The following SPATA13 variants were observed in gnomAD, a reference collection of about 807,000 sequenced individuals.
The protein encoded by SPATA13 is spermatogenesis associated 13, also known as spermatogenesis-associated protein 13.
Under a neutral mutation model 104.0 loss-of-function variants are expected in SPATA13, and 50 were observed. The observed-to-expected ratio is 0.48, with a 90% CI of 0.38 to 0.61. The LOEUF (loss-of-function observed/expected upper bound fraction) is 0.61, where lower values mean the gene tolerates loss of function less well. Ranked by LOEUF, SPATA13 falls within the 20% of genes least tolerant of loss-of-function variation. The probability of loss-of-function intolerance (pLI) is 0.00; values close to 1 mark genes in which losing one functional copy is unlikely to be tolerated. For missense variants in SPATA13, 1,524 were observed against 1,690.6 expected (o/e 0.90, Z 1.73); for synonymous variants, 606 against 667.5 (o/e 0.91, Z 1.42).
At position 24,136,847 on chromosome 13, in the gene SPATA13, TG is replaced by T. The variant is rs1232043561; in HGVS notation, c.-111-85971del. Reference sequence around the variant, plus strand: ...TTATTTTATTTATTTATTTTTTTTTTGAGACGGAGTCTCGCTCTGTCGCCCA... The same window carrying T: ...TTATTTTATTTATTTATTTTTTTTTTAGACGGAGTCTCGCTCTGTCGCCCA... On this transcript the variant is annotated intron_variant, in intron 3 of 14. Transcript: ENST00000424834. Among the ~76,000 whole-genome samples the T allele has an allele frequency of 8.6e-5, 3 of 35,084 alleles. 1 individual carries two copies. The highest frequency in any genetic ancestry group is 7.8e-4 in the Admixed American group (2 of 2,572). The allele number at this position is 35,084 out of a possible 152,430, so 23.0% of individuals were successfully genotyped here.
intron 3 of SPATA13, among the ~76,000 whole-genome samples, chr13:24,036,378 T>C (rs992477342): frequency 2.6e-5 from 4 of 152,222 alleles, no homozygotes; most frequent in African/African-American, 7.2e-5. Context: ...GAAGAATGTC[T>C]GGCCTCACAG....
intron 2 of SPATA13, among the ~76,000 whole-genome samples, chr13:23,989,188 C>A (rs1262523762): frequency 2.0e-5 from 3 of 152,104 alleles, no homozygotes; most frequent in Admixed American, 2.0e-4. Context: ...CTTTGGGAGG[C>A]CGAGGCAGGT....
chr13:24,237,096 G>A (rs145678284), intron 2 of SPATA13, among the ~76,000 whole-genome samples: 29 of 152,184 alleles, frequency 1.9e-4, no homozygotes, highest in Middle Eastern at 3.4e-3. Flanking sequence ...CAGGGCTCAC[G>A]TCTGTAATCC....
Position 24,286,195 on chromosome 13 carries a change from C to G in SPATA13, c.2302-19C>G, listed in dbSNP as rs747648603. 1 of 1,598,482 alleles carries G rather than the reference C, an allele frequency of 6.3e-7. No individual in the cohort carries two copies. The highest frequency in any genetic ancestry group is 8.5e-7 in the Non-Finnish European group (1 of 1,170,852). On this transcript the variant is annotated intron_variant, in intron 5 of 12. Transcript: ENST00000382108. This position sits in a 1 kb window ranked among gnomAD's most constrained non-coding sequence, Gnocchi z 4.9. ...CCACTCGTGCTCTATGCTGAGCGCA[C>G]CCCACTGTCTCCTTTCAGCTGATCA... is the stretch of plus-strand genomic sequence containing the variant.
At chr13:24,291,756 A>ATTT (rs71070676) in intron 9 of SPATA13, among the ~76,000 whole-genome samples, 11 of 136,540 alleles carry the variant, frequency 8.1e-5, no homozygotes, top group Admixed American at 1.5e-4. Context: ...TTATTTTTTT[A>ATTT]TTTTTTTTTT....
chr13:24,143,588 C>CT (rs1222468876), intron 3 of SPATA13, among the ~76,000 whole-genome samples: 3 of 152,114 alleles, frequency 2.0e-5, no homozygotes, highest in Non-Finnish European at 2.9e-5. Context: ...AAGTAGAAGT[C>CT]TTTTTTTCCC....
At chr13:24,019,363 C>G (rs1876872478) in intron 3 of SPATA13, among the ~76,000 whole-genome samples, 1 of 152,102 alleles carries the variant, frequency 6.6e-6, no homozygotes, top group Non-Finnish European at 1.5e-5. Flanking sequence ...GCTGGGATTA[C>G]AGGCGTGAGC....
chr13:24,069,054 C>T (rs1012931274), intron 3 of SPATA13, among the ~76,000 whole-genome samples: 5 of 152,042 alleles, frequency 3.3e-5, no homozygotes, highest in East Asian at 1.9e-4. Flanking sequence ...AGTCAGGTAG[C>T]GTATACCTCC....
In SPATA13 at chr13:24,141,566, A is replaced by C. The variant is rs58960118; in HGVS notation, c.-111-81253A>C. 3.8e-3 allele frequency among the ~76,000 whole-genome samples: 576 copies of C among 152,274 alleles called. 23 individuals are homozygous for C. In the East Asian group the frequency reaches 0.092, roughly 24 times the overall value. ...AACCTTCTGCATATTCCTCTGTTAT[A>C]GAGCTTATCCAGATAACAATCACTA... On this transcript the variant is annotated intron_variant, in intron 3 of 14. Coordinates refer to the SPATA13 transcript ENST00000424834.
At chr13:24,283,664 T>C (rs762098025) in intron 4 of SPATA13, among the ~76,000 whole-genome samples, 1 of 152,240 alleles carries the variant, frequency 6.6e-6, no homozygotes, top group Non-Finnish European at 1.5e-5. Flanking sequence ...AGAGTAAGAA[T>C]GATGGCACTT....
At chr13:24,029,019 T>G (rs975507821) in intron 3 of SPATA13, among the ~76,000 whole-genome samples, 1 of 152,196 alleles carries the variant, frequency 6.6e-6, no homozygotes, top group African/African-American at 2.4e-5. Flanking sequence ...TTTTGTTTCC[T>G]CGTATGTGGT....
chr13:24,270,686 C>T (rs1331486020), intron 4 of SPATA13: 1 of 1,452,414 alleles, frequency 6.9e-7, no homozygotes, highest in Non-Finnish European at 9.2e-7. Context: ...AGCCAGCTGT[C>T]AGTTTCTGGG....
At chr13:24,299,462 A>G (rs1877026518) in intron 11 of SPATA13, among the ~76,000 whole-genome samples, 1 of 152,242 alleles carries the variant, frequency 6.6e-6, no homozygotes, top group Non-Finnish European at 1.5e-5. Flanking sequence ...TAGAAGCTTC[A>G]GGTAGCAGAT....
chr13:24,024,468 G>T (rs190745217), intron 3 of SPATA13, among the ~76,000 whole-genome samples: 9 of 151,852 alleles, frequency 5.9e-5, no homozygotes, highest in Non-Finnish European at 1.3e-4. Context: ...CTAGTGACAA[G>T]ACCAACCACA....
chr13:24,294,118 CA>C (rs1387040388), intron 9 of SPATA13, among the ~76,000 whole-genome samples: 1 of 152,150 alleles, frequency 6.6e-6, no homozygotes, highest in East Asian at 1.9e-4. Context: ...CCGGTGCCTA[CA>C]GTTTTAGCGG....
intron 3 of SPATA13, among the ~76,000 whole-genome samples, chr13:24,101,513 C>A (rs535732983): frequency 6.6e-6 from 1 of 152,110 alleles, no homozygotes; most frequent in African/African-American, 2.4e-5. Context: ...ATAAAACTTA[C>A]CACCTTAACC....
chr13:23,999,467 A>G (rs141211227), intron 2 of SPATA13, among the ~76,000 whole-genome samples: 63 of 151,910 alleles, frequency 4.1e-4, no homozygotes, highest in African/African-American at 1.5e-3. Flanking sequence ...ACAATATTGA[A>G]TCTTCCAACC....
chr13:24,240,196 G>T (rs930510455), intron 2 of SPATA13, among the ~76,000 whole-genome samples: 16 of 151,814 alleles, frequency 1.1e-4, no homozygotes, highest in Admixed American at 6.6e-5. Flanking sequence ...GAAGGTTGAG[G>T]CTGCAATGAG....
intron 3 of SPATA13, among the ~76,000 whole-genome samples, chr13:24,076,445 G>A (rs901408107): frequency 6.6e-6 from 1 of 152,128 alleles, no homozygotes; most frequent in African/African-American, 2.4e-5. Context: ...CCCAAAGGAT[G>A]GCCAAGTGCC....
Sources: gnomAD v4.1 joint callset for allele counts (sites outside exome capture counted in the v4.1 genomes callset) on GRCh38, gnomAD v4.1.1 for gene constraint, Gnocchi (gnomAD v3.1) non-coding constraint, MANE v1.5 for transcripts, NCBI Gene and HGNC (gene_info 2026-07-23, HGNC 2026-07-21) for gene names.